SERINC3: variants seen among roughly 807,000 people sequenced by gnomAD.
SERINC3 encodes the protein tumor differentially expressed protein 1.
SERINC3 carries 22 observed loss-of-function variants against 52.1 expected under a neutral mutation model. That is an observed-to-expected ratio of 0.42 (90% CI 0.30 to 0.60). The LOEUF (loss-of-function observed/expected upper bound fraction) is 0.60. Ranked by LOEUF, SERINC3 falls within the 20% of genes least tolerant of loss-of-function variation. The probability of loss-of-function intolerance (pLI) is 0.16; values close to 1 mark genes in which losing one functional copy is unlikely to be tolerated. For synonymous variants in SERINC3, 226 were observed against 212.7 expected, an observed-to-expected ratio of 1.06 and a Z score of -0.54; for missense variants, 564 against 584.6, an observed-to-expected ratio of 0.96 and a Z score of 0.36.
In SERINC3 at chr20:44,503,821, T is replaced by C; in HGVS notation, c.1049A>G (p.Tyr350Cys). The change falls in exon 8 of 10, where the codon TAT (tyrosine) becomes TGT (cysteine). Residue 350 changes from tyrosine (Y) to cysteine (C), a missense_variant. Tyr to Cys is a radical substitution (Grantham distance 194). Transcript: ENST00000342374. The part of the protein sequence containing the change: ...GLFVFVLCLL[Y>C]SSIRTSTNSQ... ...TAAGTACCTTTTAACTTACCTAGAA[T>C]ACAAGAGGCAGAGAACAAAGACAAA... is the stretch of plus-strand genomic sequence containing the variant. 6.5e-7 allele frequency: 1 copy of C among 1,546,852 alleles called. No homozygotes were observed. The highest frequency in any genetic ancestry group is 8.7e-7 in the Non-Finnish European group (1 of 1,155,810).
At chr20:44,508,347 C>A (rs944368041) in intron 5 of SERINC3, among the ~76,000 whole-genome samples, 2 of 151,512 alleles carry the variant, frequency 1.3e-5, no homozygotes, top group African/African-American at 4.9e-5. Flanking sequence ...GTGGTGTAGG[C>A]GTGGTAGTGT....
At chr20:44,516,158 C>T (rs554938262) in intron 1 of SERINC3, among the ~76,000 whole-genome samples, 2 of 151,888 alleles carry the variant, frequency 1.3e-5, no homozygotes, top group African/African-American at 4.8e-5. Context: ...AAAAATTAGC[C>T]GGGTGCAGTG....
intron 1 of SERINC3, among the ~76,000 whole-genome samples, chr20:44,521,127 G>A (rs901762930): frequency 6.6e-5 from 10 of 152,246 alleles, no homozygotes; most frequent in African/African-American, 2.2e-4. Context: ...GAGTACAGCA[G>A]GAGAAACTGA....
At chr20:44,511,013 A>G (rs2064343930) in intron 4 of SERINC3, among the ~76,000 whole-genome samples, 1 of 152,058 alleles carries the variant, frequency 6.6e-6, no homozygotes, top group Non-Finnish European at 1.5e-5. Context: ...TCCCAGGTTC[A>G]GGCAATTTTG....
In SERINC3 at chr20:44,506,888, A is replaced by G; in HGVS notation, c.722T>C (p.Ile241Thr). The G allele has an allele frequency of 6.2e-7, 1 of 1,613,850 alleles. No individual in the cohort carries two copies. The highest frequency in any genetic ancestry group is 8.5e-7 in the Non-Finnish European group (1 of 1,179,876). Residue 241 changes from isoleucine (I) to threonine (T), a missense_variant, in exon 6 of 10, where the codon ATC becomes ACC. Ile to Thr is a moderately conservative substitution (Grantham distance 89, BLOSUM62 -1). Transcript: ENST00000342374. ...AACGCAAAGGATCAGGTTAATACTGATGAAGAACTTGTTTTCTGTGCAGCC... is the reference window on the plus strand; with the variant it reads ...AACGCAAAGGATCAGGTTAATACTGGTGAAGAACTTGTTTTCTGTGCAGCC... ...PDGCTENKFF[I>T]SINLILCVVA...
At chr20:44,506,332 G>A (rs1344674376) in intron 6 of SERINC3, among the ~76,000 whole-genome samples, 3 of 147,830 alleles carry the variant, frequency 2.0e-5, no homozygotes, top group East Asian at 2.0e-4. Flanking sequence ...GGTGGCTCAC[G>A]CCTGTAATCC....
In SERINC3 at chr20:44,499,715, TTAAAAAACTCAA is replaced by T. The variant is rs2064267691; in HGVS notation, c.*569_*580del. The T allele has an allele frequency of 6.6e-6, 1 of 152,224 alleles. No homozygotes were observed. The highest frequency in any genetic ancestry group is 2.1e-4 in the South Asian group (1 of 4,820). The allele number at this position is 152,224 out of a possible 1,614,324, so 9.4% of individuals were successfully genotyped here. A position where few individuals can be genotyped will look rare whatever the true frequency, so the allele number is the denominator to read the frequency against. ...AATGCTACAGTGTAAAAAAAGTAAA[TTAAAAAACTCAA>T]GATGTAGAAGCAGTAGCCATATCAG... On this transcript the variant is annotated 3_prime_UTR_variant, in exon 10 of 10. Transcript: ENST00000342374.
intron 1 of SERINC3, among the ~76,000 whole-genome samples, chr20:44,516,503 C>T (rs1462961413): frequency 1.3e-5 from 2 of 151,890 alleles, no homozygotes; most frequent in African/African-American, 4.8e-5. Context: ...AGCAATTCTA[C>T]CTCAGCCTCC....
At chr20:44,521,338 G>C (rs565253736) in intron 1 of SERINC3, among the ~76,000 whole-genome samples, 4 of 152,330 alleles carry the variant, frequency 2.6e-5, no homozygotes, top group Admixed American at 2.6e-4. Context: ...AGAGAGGAAT[G>C]CTGGGGTGAT....
intron 1 of SERINC3, among the ~76,000 whole-genome samples, chr20:44,518,318 CAAAA>C (rs3091899): frequency 8.3e-4 from 73 of 87,534 alleles, no homozygotes; most frequent in African/African-American, 2.8e-3. Flanking sequence ...AAATTAGCCT[CAAAA>C]AAAAAAAAAA....
At chr20:44,511,400 G>T in intron 3 of SERINC3, 32 bp from the exon 4 acceptor site, 1 of 1,418,548 alleles carries the variant, frequency 7.0e-7, no homozygotes, top group Non-Finnish European at 1.0e-6. Context: ...TTTATGAAAT[G>T]CTAAGTTTCA....
At position 44,522,005 on chromosome 20, in the gene SERINC3, G is replaced by GT; in HGVS notation, c.-55dup. On this transcript the variant is annotated 5_prime_UTR_variant, in exon 1 of 10. The change abolishes the stop of an existing upstream ORF in the 5' untranslated region. Transcript: ENST00000342374. ...CCTGAGGCTGCTTTCTAACACGGTGGTAACTGCCAGCTGAGGTGACTCCCC... is the reference window on the plus strand; with the variant it reads ...CCTGAGGCTGCTTTCTAACACGGTGGTTAACTGCCAGCTGAGGTGACTCCCC... The GT allele has an allele frequency of 6.5e-7, 1 of 1,546,590 alleles. No homozygotes were observed. The highest frequency in any genetic ancestry group is 8.8e-7 in the Non-Finnish European group (1 of 1,137,474).
downstream of SERINC3, among the ~76,000 whole-genome samples, chr20:44,497,189 C>A: frequency 6.6e-6 from 1 of 152,216 alleles, no homozygotes; most frequent in Non-Finnish European, 1.5e-5. Context: ...AAAGGCCACC[C>A]TGAGATCTGA....
chr20:44,510,114 A>T, intron 4 of SERINC3, 86 bp from the exon 5 acceptor site: 3 of 1,327,832 alleles, frequency 2.3e-6, no homozygotes, highest in Non-Finnish European at 3.2e-6. Flanking sequence ...TTCAATTAAA[A>T]CAAGACAGAG....
At chr20:44,514,818 A>G (rs1024063433) in intron 1 of SERINC3, among the ~76,000 whole-genome samples, 2 of 152,164 alleles carry the variant, frequency 1.3e-5, no homozygotes, top group African/African-American at 4.8e-5. Flanking sequence ...CCTCTGACAA[A>G]TAATAACAGC....
chr20:44,506,450 G>T (rs1284000300), intron 6 of SERINC3, among the ~76,000 whole-genome samples: 1 of 151,588 alleles, frequency 6.6e-6, no homozygotes, highest in Non-Finnish European at 1.5e-5. Flanking sequence ...GCCAGGCCCG[G>T]TGGTGGCTGC....
intron 4 of SERINC3, among the ~76,000 whole-genome samples, chr20:44,510,765 C>CAGTCTCCCGAGTA: frequency 6.6e-6 from 1 of 151,906 alleles, no homozygotes; most frequent in Non-Finnish European, 1.5e-5. Context: ...GAGCTGAGAT[C>CAGTCTCCCGAGTA]GTGCCACGGC....
In SERINC3 at chr20:44,512,827, TTTAC is replaced by T. The variant is rs1490040846; in HGVS notation, c.365_368del (p.Ser122LysfsTer43). 1 of 1,575,744 alleles carries T rather than the reference TTTAC, an allele frequency of 6.3e-7. No individual in the cohort carries two copies. The highest frequency in any genetic ancestry group is 8.6e-7 in the Non-Finnish European group (1 of 1,168,334). ...CATTGTGTACTGCCGCTCGGAGATC[TTTAC>T]TTGTTTTTACTTTGAACATGAGCAG... On this transcript the variant is annotated frameshift_variant, in exon 3 of 10. Coordinates refer to ENST00000342374, the MANE Select transcript of SERINC3 (RefSeq NM_006811.4). LOFTEE classifies it high-confidence loss of function.
chr20:44,507,672 C>T (rs1214395380), intron 5 of SERINC3, among the ~76,000 whole-genome samples: 1 of 152,136 alleles, frequency 6.6e-6, no homozygotes, highest in African/African-American at 2.4e-5. Context: ...AGTTCCAGAC[C>T]AGCCCAGGCA....
Sources: gnomAD v4.1 joint callset for allele counts (sites outside exome capture counted in the v4.1 genomes callset) on GRCh38, gnomAD v4.1.1 for gene constraint, MANE v1.5 for transcripts, NCBI Gene and HGNC (gene_info 2026-07-23, HGNC 2026-07-21) for gene names.